The following GDPD5 variants were observed in gnomAD, a reference collection of about 807,000 sequenced individuals.
GDPD5 encodes glycerophosphodiester phosphodiesterase 2.
Under a neutral mutation model 75.1 loss-of-function variants are expected in GDPD5, and 48 were observed. The ratio of observed to expected loss-of-function variants is 0.64; its 90% CI spans 0.51 to 0.81. The LOEUF (loss-of-function observed/expected upper bound fraction) is 0.81. Ranked by LOEUF, GDPD5 falls within the 40% of genes least tolerant of loss-of-function variation. The pLI is 0.00. For synonymous variants in GDPD5, 336 were observed against 339.0 expected (o/e 0.99, Z 0.10); for missense variants, 706 against 822.6 (o/e 0.86, Z 1.73).
intron 9 of GDPD5, among the ~76,000 whole-genome samples, chr11:75,444,748 T>C (rs547588410): frequency 2.0e-5 from 3 of 152,270 alleles, no homozygotes; most frequent in Admixed American, 2.0e-4. Context: ...TTGATGCATA[T>C]AAATGCCTGA....
At chr11:75,438,573 G>A (rs1427504189) in intron 15 of GDPD5, 1 of 152,302 alleles carries the variant, frequency 6.6e-6, no homozygotes, top group Non-Finnish European at 1.5e-5. Flanking sequence ...CCCATAGCCA[G>A]GGACAGCATC....
chr11:75,474,978 A>G (rs553340482), intron 3 of GDPD5, among the ~76,000 whole-genome samples: 17 of 152,340 alleles, frequency 1.1e-4, no homozygotes, highest in African/African-American at 3.4e-4. Flanking sequence ...CTGCAAATCT[A>G]TCATCAGCCT....
At chr11:75,510,381 G>A (rs1277663463) in intron 1 of GDPD5, among the ~76,000 whole-genome samples, 2 of 152,204 alleles carry the variant, frequency 1.3e-5, no homozygotes, top group Non-Finnish European at 2.9e-5. Flanking sequence ...ACACCCACTG[G>A]GCACCAGCCA....
At position 75,499,831 on chromosome 11, in the gene GDPD5, T is replaced by C. The variant is rs375381469; in HGVS notation, c.-144-9511A>G. Among the ~76,000 whole-genome samples the C allele has an allele frequency of 3.7e-4, 56 of 152,294 alleles. No homozygotes were observed. The East Asian group carries it at 7.7e-3, about 21-fold the overall frequency. On this transcript the variant is annotated intron_variant, in intron 1 of 16. Coordinates refer to ENST00000336898, the MANE Select transcript of GDPD5 (RefSeq NM_030792.8). ...GTTTGCAGTGTCTACGAAACAGCTT[T>C]GGTGAGCACTGAAGATGCAAAAACC...
At chr11:75,477,522 A>G (rs776107912) in intron 3 of GDPD5, 97 bp downstream of exon 3, 45 of 668,828 alleles carry the variant, frequency 6.7e-5, no homozygotes, top group Non-Finnish European at 1.1e-4. Context: ...GCCTGTCCAG[A>G]GCGAGTCAGC....
chr11:75,493,229 T>A lies in GDPD5; in HGVS notation c.-144-2909A>T, dbSNP rs867740884. On this transcript the variant is annotated intron_variant, in intron 1 of 16. Transcript: ENST00000336898. ...CAGGGAAAAGGGGCCCCCACACATC[T>A]CACACACACACACACACACACACAC... Among the ~76,000 whole-genome samples the A allele has an allele frequency of 6.2e-3, 880 of 140,998 alleles. 2 individuals carry two copies. Among genetic ancestry groups the A allele is most frequent in the Non-Finnish European group, 9.6e-3 (627 of 65,242 alleles). 92.5% of individuals were successfully genotyped at this position (140,998 alleles called of 152,430 possible). A position where few individuals can be genotyped will look rare whatever the true frequency, so the allele number is the denominator to read the frequency against.
chr11:75,461,737 CA>C (rs570942344), intron 4 of GDPD5, among the ~76,000 whole-genome samples: 71 of 152,254 alleles, frequency 4.7e-4, no homozygotes, highest in African/African-American at 1.7e-3. Flanking sequence ...TAGAGAGCAC[CA>C]GAGACTTGCT....
chr11:75,502,657 T>G (rs1950320892), intron 1 of GDPD5, among the ~76,000 whole-genome samples: 1 of 152,086 alleles, frequency 6.6e-6, no homozygotes, highest in Admixed American at 6.5e-5. Flanking sequence ...TGAGAAGGCT[T>G]GGGAGTAATG....
At chr11:75,510,656 C>G (rs954763731) in intron 1 of GDPD5, among the ~76,000 whole-genome samples, 1 of 151,820 alleles carries the variant, frequency 6.6e-6, no homozygotes, top group South Asian at 2.1e-4. Context: ...CATCCACCCC[C>G]ACTCCCCCAT....
chr11:75,494,960 C>T (rs571786591), intron 1 of GDPD5, among the ~76,000 whole-genome samples: 48 of 150,578 alleles, frequency 3.2e-4, no homozygotes, highest in African/African-American at 1.1e-3. Flanking sequence ...TCAACAACAA[C>T]AACAACAACA....
intron 6 of GDPD5, chr11:75,456,443 G>A (rs1296583270): frequency 4.8e-5 from 19 of 396,122 alleles, no homozygotes; most frequent in South Asian, 2.4e-4. Context: ...ACATGACTGC[G>A]GGACCCTGGA....
In GDPD5 at chr11:75,454,992, G is replaced by A. The variant is rs1949253105; in HGVS notation, c.375+1765C>T. ...TCTGAGCTCTGGGGAACTCCCTCCT[G>A]GTGGGGCGGGTCGAGCTCTGGGTCA... On this transcript the variant is annotated intron_variant, in intron 6 of 16. Coordinates refer to ENST00000336898, the MANE Select transcript of GDPD5 (RefSeq NM_030792.8). 2.0e-5 allele frequency among the ~76,000 whole-genome samples: 3 copies of A among 152,172 alleles called. No individual in the cohort carries two copies. The South Asian group carries it at 6.2e-4, about 32-fold the overall frequency.
Position 75,490,292 on chromosome 11 carries a change from G to C in GDPD5, c.-116C>G, listed in dbSNP as rs1950085685. 6.6e-6 allele frequency: 1 copy of C among 152,258 alleles called. No homozygotes were observed. The highest frequency in any genetic ancestry group is 2.4e-5 in the African/African-American group (1 of 41,454). 9.4% of individuals were successfully genotyped at this position (152,258 alleles called of 1,614,324 possible). ...GGCTCCTGGAGGTGTCTTGTCCACA[G>C]AGGCAGTGATATCACTTCACTGGGA... On this transcript the variant is annotated 5_prime_UTR_variant, in exon 2 of 17. Transcript: ENST00000336898.
intron 2 of GDPD5, among the ~76,000 whole-genome samples, chr11:75,485,129 C>T (rs1441364339): frequency 6.6e-6 from 1 of 152,154 alleles, no homozygotes; most frequent in Admixed American, 6.5e-5. Flanking sequence ...AAGTGACGTT[C>T]TAGAAAAGGC....
rs1948789656 is a variant in GDPD5, at chr11:75,441,203, G to A, written c.1433C>T (p.Ser478Phe). Residue 478 changes from serine (S) to phenylalanine (F), a missense_variant, in exon 14 of 17, where the codon TCC (serine) becomes TTC (phenylalanine). Transcript: ENST00000336898. ...GGAAGGCACCTGGGACAGGGCGTGG[G>A]AGTTGTCAGAGGTGACGGATGGGAC... is the stretch of plus-strand genomic sequence containing the variant. ...AGVPSVTSDN[S>F]HALSQVPSPL... 4 of 1,613,940 alleles carry A rather than the reference G, an allele frequency of 2.5e-6. No homozygotes were observed. The Admixed American group carries it at 6.7e-5, about 27-fold the overall frequency.
intron 1 of GDPD5, among the ~76,000 whole-genome samples, chr11:75,497,823 C>T (rs1320850166): frequency 1.3e-5 from 2 of 152,178 alleles, no homozygotes; most frequent in Non-Finnish European, 2.9e-5. Context: ...CTCACTTAAC[C>T]GGCCATGGGG....
At chr11:75,496,262 A>G (rs56386896) in intron 1 of GDPD5, among the ~76,000 whole-genome samples, 8,333 of 152,208 alleles carry the variant, frequency 0.055, 335 homozygotes, top group East Asian at 0.13. Flanking sequence ...GCCCATAGCT[A>G]TTTTCCTCAG....
chr11:75,443,343 C>A, intron 10 of GDPD5, 57 bp from the exon 11 acceptor site: 1 of 1,543,878 alleles, frequency 6.5e-7, no homozygotes, highest in East Asian at 2.3e-5. Context: ...TACCTGCCCA[C>A]CAATGATCGT....
intron 4 of GDPD5, among the ~76,000 whole-genome samples, chr11:75,459,441 C>T (rs1413770156): frequency 6.6e-6 from 1 of 151,550 alleles, no homozygotes; most frequent in Non-Finnish European, 1.5e-5. Flanking sequence ...GTACCTGGGA[C>T]TATAGGCACA....
Sources: gnomAD v4.1 joint callset for allele counts (sites outside exome capture counted in the v4.1 genomes callset) on GRCh38, gnomAD v4.1.1 for gene constraint, MANE v1.5 for transcripts, NCBI Gene and HGNC (gene_info 2026-07-23, HGNC 2026-07-21) for gene names.